The following RABL2A variants were observed in gnomAD, a reference collection of about 807,000 sequenced individuals.
The protein encoded by RABL2A is RAB, member of RAS oncogene family like 2A.
In RABL2A, 17 loss-of-function variants were observed where a neutral mutation model predicts 30.7. The ratio of observed to expected loss-of-function variants is 0.55; its 90% CI spans 0.38 to 0.83. The LOEUF is 0.83. Among genes scored for constraint, RABL2A ranks in the 40% least tolerant of loss-of-function variants. RABL2A has a pLI of 0.00. For missense variants in RABL2A, 155 were observed against 272.6 expected (o/e 0.57, Z 3.04); for synonymous variants, 64 against 101.8 (o/e 0.63, Z 2.24).
Position 113,635,032 on chromosome 2 carries a change from G to A in RABL2A, c.218-19G>A, listed in dbSNP as rs778139127. 2 of 1,614,082 alleles carry A rather than the reference G, an allele frequency of 1.2e-6. No individual in the cohort carries two copies. Among genetic ancestry groups the A allele is most frequent in the African/African-American group, 2.7e-5 (2 of 74,952 alleles). On this transcript the variant is annotated intron_variant, in intron 4 of 8. Transcript: ENST00000683472. ...AGAAATGCACCAGGCATGTAGGTCT[G>A]TCTGTGTTCACATTGCAGACTTTTG...
intron 2 of RABL2A, among the ~76,000 whole-genome samples, chr2:113,629,864 T>C (rs1226251146): frequency 2.0e-5 from 3 of 152,110 alleles, no homozygotes; most frequent in Non-Finnish European, 4.4e-5. Flanking sequence ...ATAGTTACTT[T>C]GACCATCCTC....
At chr2:113,635,450 A>G (rs982914877) in intron 5 of RABL2A, 8 of 415,822 alleles carry the variant, frequency 1.9e-5, no homozygotes, top group African/African-American at 1.6e-4. Context: ...CCTGTCAGAC[A>G]AGCTCCCAAG....
intron 5 of RABL2A, chr2:113,637,617 A>G: frequency 1.6e-6 from 2 of 1,212,854 alleles, no homozygotes; most frequent in Admixed American, 6.8e-5. Context: ...TCCCTTGAAA[A>G]ATTCCAAAAG....
At chr2:113,632,591 G>A (rs1156840553) in intron 2 of RABL2A, among the ~76,000 whole-genome samples, 2 of 152,268 alleles carry the variant, frequency 1.3e-5, no homozygotes, top group Non-Finnish European at 2.9e-5. Context: ...AACGGAAGGC[G>A]CAGCTTTGGC....
rs749754699 is a variant in RABL2A at position 113,642,179 on chromosome 2, C to G, written c.*50C>G. On this transcript the variant is annotated 3_prime_UTR_variant, in exon 9 of 9. Transcript: ENST00000683472. Reference sequence around the variant, plus strand: ...AGCCCTTTTAAAATACCCTTCCCTTCAACAACTCTCCAGCTCTGAATGGAG... The same window carrying G: ...AGCCCTTTTAAAATACCCTTCCCTTGAACAACTCTCCAGCTCTGAATGGAG... 8 of 1,532,134 alleles carry G rather than the reference C, an allele frequency of 5.2e-6. No individual in the cohort carries two copies. The Admixed American group carries it at 1.1e-4, about 21-fold the overall frequency. The allele number at this position is 1,532,134 out of a possible 1,614,324, so 94.9% of individuals were successfully genotyped here. A position where few individuals can be genotyped will look rare whatever the true frequency, so the allele number is the denominator to read the frequency against.
rs1451309779 is a variant in RABL2A at position 113,643,074 on chromosome 2, C to T, written c.*945C>T. 3.3e-5 allele frequency: 15 copies of T among 448,518 alleles called. No individual in the cohort carries two copies. Among genetic ancestry groups the T allele is most frequent in the Non-Finnish European group, 5.8e-5 (13 of 224,688 alleles). The allele number at this position is 448,518 out of a possible 1,614,324, so 27.8% of individuals were successfully genotyped here. A position where few individuals can be genotyped will look rare whatever the true frequency, so the allele number is the denominator to read the frequency against. On this transcript the variant is annotated 3_prime_UTR_variant, in exon 9 of 9. Coordinates refer to ENST00000683472, the MANE Select transcript of RABL2A (RefSeq NM_001306158.2). ...AGGCCTAGCTATAGTTAGGAATACA[C>T]AAGCGGTAAAATCGAGTCCTTACAG...
intron 5 of RABL2A, among the ~76,000 whole-genome samples, chr2:113,636,107 T>TA (rs956292516): frequency 1.3e-5 from 2 of 151,338 alleles, no homozygotes; most frequent in African/African-American, 4.9e-5. Flanking sequence ...AAACTCCATC[T>TA]AAAAAAAACC....
At chr2:113,635,163 T>G (rs1682073262) in intron 5 of RABL2A, 33 bp downstream of exon 5, 1 of 1,612,816 alleles carries the variant, frequency 6.2e-7, no homozygotes, top group Admixed American at 1.7e-5. Context: ...ACAAAGGCAC[T>G]GGGCAAGTCT....
Position 113,633,012 on chromosome 2 carries a change from A to G in RABL2A, c.137+68A>G. The G allele has an allele frequency of 1.9e-6, 3 of 1,611,526 alleles. 1 individual carries two copies. The highest frequency in any genetic ancestry group is 2.5e-6 in the Non-Finnish European group (3 of 1,177,676). On this transcript the variant is annotated intron_variant, in intron 3 of 8. Coordinates refer to ENST00000683472, the MANE Select transcript of RABL2A (RefSeq NM_001306158.2). ...TCCCACGCTCATGTATCAGTGTCCC[A>G]CTGCCCACCCCTTTGTACCAGCAGC...
intron 5 of RABL2A, among the ~76,000 whole-genome samples, chr2:113,639,483 A>C (rs1319789830): frequency 6.6e-6 from 1 of 151,940 alleles, no homozygotes; most frequent in East Asian, 1.9e-4. Flanking sequence ...TTAGCCAGGC[A>C]TGGTGGTGCG....
intron 2 of RABL2A, among the ~76,000 whole-genome samples, 159 bp downstream of exon 2, chr2:113,628,872 A>G (rs964081686): frequency 2.0e-5 from 3 of 151,970 alleles, no homozygotes; most frequent in Non-Finnish European, 4.4e-5. Flanking sequence ...GAATCACATG[A>G]CCCGTTGTGT....
intron 2 of RABL2A, among the ~76,000 whole-genome samples, chr2:113,632,532 C>T (rs1401156670): frequency 6.6e-5 from 10 of 152,250 alleles, no homozygotes; most frequent in African/African-American, 2.2e-4. Context: ...TCCCAAAGTG[C>T]TGGGATTACA....
At chr2:113,634,033 T>C in intron 3 of RABL2A, 120 bp from the exon 4 acceptor site, 1 of 1,449,404 alleles carries the variant, frequency 6.9e-7, no homozygotes, top group Non-Finnish European at 9.3e-7. Context: ...TGATTTAAAA[T>C]CTCAATAACT....
chr2:113,643,132 A>T lies in RABL2A; in HGVS notation c.*1003A>T. 2.2e-6 allele frequency: 1 copy of T among 454,868 alleles called. No individual in the cohort carries two copies. The highest frequency in any genetic ancestry group is 7.0e-5 in the East Asian group (1 of 14,380). 28.2% of individuals were successfully genotyped at this position (454,868 alleles called of 1,614,324 possible). On this transcript the variant is annotated 3_prime_UTR_variant, in exon 9 of 9. Transcript: ENST00000683472. ...ACAAGGTACGTCCATTTGGACTACAAGAAGAGCTTCCTTTAAAGTTCCTAT... is the reference window on the plus strand; with the variant it reads ...ACAAGGTACGTCCATTTGGACTACATGAAGAGCTTCCTTTAAAGTTCCTAT...
At chr2:113,629,575 C>G (rs1051387202) in intron 2 of RABL2A, among the ~76,000 whole-genome samples, 5 of 151,858 alleles carry the variant, frequency 3.3e-5, no homozygotes, top group Non-Finnish European at 7.4e-5. Context: ...CGCTCTGTCC[C>G]CCAGGCTGGA....
chr2:113,637,407 G>A, intron 5 of RABL2A: 1 of 1,069,042 alleles, frequency 9.4e-7, no homozygotes, highest in Non-Finnish European at 1.1e-6. Context: ...AACATGGACT[G>A]TCTGTGATGC....
chr2:113,638,026 C>T, intron 5 of RABL2A: 1 of 985,414 alleles, frequency 1.0e-6, no homozygotes, highest in Non-Finnish European at 1.2e-6. Flanking sequence ...ACCTTGAAAC[C>T]TTGAGATGGG....
At chr2:113,641,613 C>T in intron 7 of RABL2A, 163 bp downstream of exon 7, 1 of 1,277,812 alleles carries the variant, frequency 7.8e-7, no homozygotes, top group Non-Finnish European at 1.1e-6. Context: ...CTTGATGAGG[C>T]AGAAGTCCAT....
rs183211676 is a variant in RABL2A, at chr2:113,637,610, C to A, written c.297+2480C>A. ...CGACTGCCCGTTAAGAACAAAATCC[C>A]TTGAAAAATTCCAAAAGCTTTAACT... On this transcript the variant is annotated intron_variant, in intron 5 of 8. Coordinates refer to ENST00000683472, the MANE Select transcript of RABL2A (RefSeq NM_001306158.2). 6.0e-4 allele frequency: 728 copies of A among 1,212,920 alleles called. 6 individuals carry two copies. In the African/African-American group the frequency reaches 0.011, roughly 18 times the overall value. The allele number at this position is 1,212,920 out of a possible 1,614,324, so 75.1% of individuals were successfully genotyped here.
Sources: allele counts gnomAD v4.1 joint callset (sites outside exome capture counted in the v4.1 genomes callset), GRCh38; gene constraint gnomAD v4.1.1; transcripts MANE v1.5; gene names NCBI Gene and HGNC (gene_info 2026-07-23, HGNC 2026-07-21).